NSUN6: variants seen among roughly 807,000 people sequenced by gnomAD.
NSUN6 encodes NOP2/Sun RNA methyltransferase 6, also known as tRNA (cytosine(72)-C(5))-methyltransferase NSUN6.
Under a neutral mutation model 58.0 loss-of-function variants are expected in NSUN6, and 64 were observed. That is an observed-to-expected ratio of 1.10 (90% CI 0.90 to 1.36). The LOEUF is 1.36. Ranked by LOEUF, NSUN6 falls within the 40% of genes most tolerant of loss-of-function variation. The pLI is 0.00. For synonymous variants in NSUN6, 231 were observed against 193.9 expected (o/e 1.19, Z -1.59); for missense variants, 701 against 550.1 (o/e 1.27, Z -2.74).
rs2059706351 is a variant in NSUN6, at chr10:18,651,548, G to A, written c.-345C>T. The A allele has an allele frequency of 9.9e-7, 1 of 1,011,412 alleles. No individual in the cohort carries two copies. Among genetic ancestry groups the A allele is most frequent in the South Asian group, 4.5e-5 (1 of 22,114 alleles). 62.7% of individuals were successfully genotyped at this position (1,011,412 alleles called of 1,614,324 possible). ...TGGTGAAACGGACGCAGATCAGTAA[G>A]CCAGGCTGACAGCAGCTCGGTCCCT... On this transcript the variant is annotated 5_prime_UTR_variant, in exon 1 of 11. Transcript: ENST00000377304.
At chr10:18,556,298 C>G (rs199556742) in intron 8 of NSUN6, among the ~76,000 whole-genome samples, 26 of 70,120 alleles carry the variant, frequency 3.7e-4, no homozygotes, top group African/African-American at 1.1e-3. Context: ...ATGGAATGCA[C>G]AGTGGAATGC....
chr10:18,630,477 G>C (rs1193144866), intron 3 of NSUN6, among the ~76,000 whole-genome samples: 3 of 152,062 alleles, frequency 2.0e-5, no homozygotes, highest in Non-Finnish European at 2.9e-5. Flanking sequence ...CTGGTTTTTT[G>C]AAAGGATCAA....
rs775751297 is a variant in NSUN6 at position 18,585,970 on chromosome 10, C to T, written c.901G>A (p.Asp301Asn). ...CFDGTKAVKL[D>N]MVEDTEGEPP... is the part of the protein sequence containing the mutation. ...TCACCTTCTGTGTCCTCCACCATAT[C>T]AAGTTTAACCGCCTTTGTTCCATCA... is the stretch of plus-strand genomic sequence containing the variant. Residue 301 changes from aspartate to asparagine, a missense_variant, in exon 8 of 11, where the codon GAT (aspartate) becomes AAT (asparagine). Physicochemically the swap from Asp to Asn is conservative, Grantham distance 23. Transcript: ENST00000377304. The T allele has an allele frequency of 1.4e-5, 22 of 1,607,250 alleles. No individual in the cohort carries two copies. The highest frequency in any genetic ancestry group is 2.7e-5 in the African/African-American group (2 of 74,516).
intron 8 of NSUN6, among the ~76,000 whole-genome samples, chr10:18,569,768 A>G (rs561730217): frequency 6.7e-6 from 1 of 149,666 alleles, no homozygotes; most frequent in African/African-American, 2.5e-5. Context: ...ATTTCATTCT[A>G]TTCACCACTG....
intron 8 of NSUN6, among the ~76,000 whole-genome samples, chr10:18,583,512 A>T (rs2056996465): frequency 6.6e-6 from 1 of 152,188 alleles, no homozygotes; most frequent in Admixed American, 6.5e-5. Context: ...AGGGGAGAAA[A>T]AGCAGCCAAA....
chr10:18,658,001 GA>G (rs2059796853), upstream of NSUN6, among the ~76,000 whole-genome samples: 1 of 146,766 alleles, frequency 6.8e-6, no homozygotes, highest in Admixed American at 6.8e-5. Context: ...AAAAAAAGCA[GA>G]ATGTGGTTTA....
chr10:18,585,284 C>T (rs1036347890), intron 8 of NSUN6, among the ~76,000 whole-genome samples: 1 of 152,014 alleles, frequency 6.6e-6, no homozygotes, highest in South Asian at 2.1e-4. Context: ...AATAGAACTA[C>T]CAAATTACCC....
At chr10:18,637,467 T>C (rs1010183703) in intron 3 of NSUN6, among the ~76,000 whole-genome samples, 1 of 152,264 alleles carries the variant, frequency 6.6e-6, no homozygotes, top group African/African-American at 2.4e-5. Flanking sequence ...AAATCATCCA[T>C]ATATTTTAGA....
intron 8 of NSUN6, among the ~76,000 whole-genome samples, chr10:18,573,127 C>T (rs547780374): frequency 1.7e-4 from 25 of 149,918 alleles, no homozygotes; most frequent in Non-Finnish European, 2.7e-4. Flanking sequence ...TCCATTCCAT[C>T]GTCCATTCCG....
Position 18,593,505 on chromosome 10 carries a change from C to T in NSUN6, c.777+2703G>A, listed in dbSNP as rs188800879. On this transcript the variant is annotated intron_variant, in intron 7 of 10. Coordinates refer to ENST00000377304, the MANE Select transcript of NSUN6 (RefSeq NM_182543.5). Reference sequence around the variant, plus strand: ...GGATAAAGAAAATGTGGCACATAGACACCATGGAATACTAAGCAGCCATAA... The same window carrying T: ...GGATAAAGAAAATGTGGCACATAGATACCATGGAATACTAAGCAGCCATAA... Among the ~76,000 whole-genome samples the T allele has an allele frequency of 3.9e-5, 6 of 152,272 alleles. No individual in the cohort carries two copies. In the East Asian group the frequency reaches 9.7e-4, roughly 24 times the overall value.
intron 1 of NSUN6, among the ~76,000 whole-genome samples, chr10:18,650,097 ACAAT>A (rs901425567): frequency 6.6e-6 from 1 of 152,254 alleles, no homozygotes; most frequent in Non-Finnish European, 1.5e-5. Context: ...GCAATAAAAG[ACAAT>A]CAACATTTAC....
intron 8 of NSUN6, among the ~76,000 whole-genome samples, chr10:18,561,124 T>C (rs1034276811): frequency 1.7e-5 from 2 of 119,094 alleles, no homozygotes. Flanking sequence ...GAATATAGAA[T>C]GCAATGGAGA....
intron 8 of NSUN6, among the ~76,000 whole-genome samples, chr10:18,558,233 G>A (rs1258285796): frequency 6.6e-6 from 1 of 150,984 alleles, no homozygotes; most frequent in Non-Finnish European, 1.5e-5. Context: ...TAATGGAATG[G>A]GGAGTAGTAT....
At chr10:18,588,889 C>G (rs1252679287) in intron 7 of NSUN6, among the ~76,000 whole-genome samples, 2 of 152,162 alleles carry the variant, frequency 1.3e-5, no homozygotes, top group African/African-American at 4.8e-5. Context: ...TCCTCTCCAG[C>G]AAGGGCACAA....
intron 8 of NSUN6, among the ~76,000 whole-genome samples, chr10:18,566,412 A>G (rs1268126188): frequency 1.4e-5 from 2 of 146,904 alleles, no homozygotes; most frequent in East Asian, 2.1e-4. Flanking sequence ...TCTTCATTCT[A>G]TTCCATTCCA....
chr10:18,625,970 C>T (rs897782000), intron 3 of NSUN6, among the ~76,000 whole-genome samples: 2 of 151,838 alleles, frequency 1.3e-5, no homozygotes, highest in Admixed American at 6.6e-5. Context: ...TGGCCTGAAA[C>T]GACCAGACTC....
chr10:18,596,298 T>C lies in NSUN6; in HGVS notation c.687A>G (p.Val229=), dbSNP rs1367487716. The change falls in exon 7 of 11, where the codon GTA becomes GTG. Residue 229 remains valine, a synonymous_variant. Coordinates refer to ENST00000377304, the MANE Select transcript of NSUN6 (RefSeq NM_182543.5). ...QNLPSALVSH[V]LNPQPGEKIL... ...TCTTCTCTCCAGGTTGAGGATTTAG[T>C]ACATGACTTACTAAGGCAGATGGCA... is the stretch of plus-strand genomic sequence containing the variant. 6.3e-7 allele frequency: 1 copy of C among 1,591,222 alleles called. No homozygotes were observed. The highest frequency in any genetic ancestry group is 8.6e-7 in the Non-Finnish European group (1 of 1,159,102).
intron 6 of NSUN6, among the ~76,000 whole-genome samples, chr10:18,600,942 ATATATATATATATATATACAT>A (rs1484166135): frequency 1.9e-4 from 8 of 42,794 alleles, no homozygotes; most frequent in Middle Eastern, 9.6e-3. Flanking sequence ...AAAAAAAAAA[ATATATATATATATATATACAT>A]ATATATATAT....
At chr10:18,639,490 G>A (rs1420834370) in intron 3 of NSUN6, among the ~76,000 whole-genome samples, 4 of 151,864 alleles carry the variant, frequency 2.6e-5, no homozygotes, top group South Asian at 4.1e-4. Context: ...TTGAGACTCC[G>A]TCTCAAAAAA....
Sources: gnomAD v4.1 joint callset for allele counts (sites outside exome capture counted in the v4.1 genomes callset) on GRCh38, gnomAD v4.1.1 for gene constraint, MANE v1.5 for transcripts, NCBI Gene and HGNC (gene_info 2026-07-23, HGNC 2026-07-21) for gene names.